Variants in CDKL4 observed in about 807,000 individuals in gnomAD.
CDKL4 encodes cyclin-dependent kinase-like 4.
Under a neutral mutation model 42.0 loss-of-function variants are expected in CDKL4, and 44 were observed. That is an observed-to-expected ratio of 1.05 (90% CI 0.82 to 1.35). The LOEUF is 1.35. Ranked by LOEUF, CDKL4 falls within the 40% of genes most tolerant of loss-of-function variation. The probability of loss-of-function intolerance (pLI) is 0.00; values close to 1 mark genes in which losing one functional copy is unlikely to be tolerated. For synonymous variants in CDKL4, 120 were observed against 121.6 expected (o/e 0.99, Z 0.09); for missense variants, 393 against 369.9 (o/e 1.06, Z -0.51).
chr2:39,188,628 A>G (rs1461810613), intron 6 of CDKL4, among the ~76,000 whole-genome samples: 5 of 149,214 alleles, frequency 3.4e-5, no homozygotes, highest in African/African-American at 7.4e-5. Context: ...CTTTACACAC[A>G]TTATCTCATT....
chr2:39,189,184 T>C (rs1676022984), intron 6 of CDKL4, among the ~76,000 whole-genome samples: 1 of 152,224 alleles, frequency 6.6e-6, no homozygotes, highest in Admixed American at 6.5e-5. Context: ...CAGGAGAGCC[T>C]GTGGGAAGAA....
chr2:39,192,951 T>C (rs1676275588), intron 5 of CDKL4, among the ~76,000 whole-genome samples: 1 of 151,048 alleles, frequency 6.6e-6, no homozygotes, highest in East Asian at 1.9e-4. Flanking sequence ...CATGGTGAAA[T>C]CTTGTCCCTA....
intron 4 of CDKL4, among the ~76,000 whole-genome samples, chr2:39,210,105 A>T (rs566624497): frequency 8.3e-4 from 126 of 152,244 alleles, no homozygotes; most frequent in African/African-American, 3.0e-3. Flanking sequence ...CTCCCACCTC[A>T]GCCTGCTGAG....
chr2:39,227,789 C>T (rs1185923935), intron 2 of CDKL4, among the ~76,000 whole-genome samples: 1 of 152,198 alleles, frequency 6.6e-6, no homozygotes, highest in African/African-American at 2.4e-5. Flanking sequence ...AAGGTTAAAC[C>T]TGGTCCAATC....
At chr2:39,172,500 C>T (rs1360268019), downstream of CDKL4, among the ~76,000 whole-genome samples, 5 of 152,260 alleles carry the variant, frequency 3.3e-5, no homozygotes, top group African/African-American at 4.8e-5. Flanking sequence ...CCCTGGGCAA[C>T]GCAGGCAGCA....
chr2:39,226,183 T>C (rs939853504), intron 2 of CDKL4, among the ~76,000 whole-genome samples: 50 of 151,926 alleles, frequency 3.3e-4, no homozygotes, highest in African/African-American at 1.2e-3. Flanking sequence ...TTTATGGAAA[T>C]TCTATATATA....
chr2:39,178,790 A>G, intron 9 of CDKL4: 1 of 1,573,526 alleles, frequency 6.4e-7, no homozygotes, highest in Non-Finnish European at 8.6e-7. Flanking sequence ...GAGTCAAGTT[A>G]CCGTTATTGC....
At chr2:39,205,759 C>CAAAAAAAAAAAAAAAAAAAAA (rs1167041058) in intron 4 of CDKL4, among the ~76,000 whole-genome samples, 1 of 78,682 alleles carries the variant, frequency 1.3e-5, no homozygotes, top group Admixed American at 1.6e-4. Context: ...GACTCCGTCT[C>CAAAAAAAAAAAAAAAAAAAAA]AAAAAAAAAA....
intron 3 of CDKL4, among the ~76,000 whole-genome samples, chr2:39,225,119 T>C (rs766883841): frequency 9.2e-5 from 14 of 152,150 alleles, no homozygotes; most frequent in East Asian, 1.9e-4. Context: ...GAGTATAACA[T>C]TGGCAGTTGA....
At chr2:39,245,960 G>A (rs959155594), upstream of CDKL4, among the ~76,000 whole-genome samples, 1 of 152,212 alleles carries the variant, frequency 6.6e-6, no homozygotes, top group Non-Finnish European at 1.5e-5. Flanking sequence ...AACAAATAAT[G>A]TAATGAATGC....
chr2:39,229,112 G>C (rs1678935872), intron 2 of CDKL4, among the ~76,000 whole-genome samples: 1 of 152,038 alleles, frequency 6.6e-6, no homozygotes, highest in African/African-American at 2.4e-5. Context: ...TAAACACTGG[G>C]GTGAGTGGAC....
rs936971532 is a variant in CDKL4 at position 39,185,430 on chromosome 2, A to G, written c.736-783T>C. Among the ~76,000 whole-genome samples the G allele has an allele frequency of 2.6e-4, 4 of 15,114 alleles. 1 individual carries two copies. The highest frequency in any genetic ancestry group is 4.5e-4 in the African/African-American group (4 of 8,866). 9.9% of individuals were successfully genotyped at this position (15,114 alleles called of 152,430 possible). On this transcript the variant is annotated intron_variant, in intron 7 of 9. Coordinates refer to ENST00000451199, the Ensembl canonical transcript of CDKL4. ...TGTATATATACATATATATATACAT[A>G]TGTATATATACATGTATATATACAT...
chr2:39,181,513 T>C (rs902822158), intron 8 of CDKL4, among the ~76,000 whole-genome samples: 1 of 152,170 alleles, frequency 6.6e-6, no homozygotes, highest in Admixed American at 6.5e-5. Flanking sequence ...TCAAGGTCAC[T>C]GTTATGGGTT....
chr2:39,198,986 C>G (rs1236752174), intron 5 of CDKL4, among the ~76,000 whole-genome samples: 2 of 151,780 alleles, frequency 1.3e-5, no homozygotes, highest in East Asian at 3.8e-4. Flanking sequence ...TAACCAAGAT[C>G]AGAGCAGAAG....
At chr2:39,221,205 T>C (rs754473966) in intron 3 of CDKL4, among the ~76,000 whole-genome samples, 29 of 151,120 alleles carry the variant, frequency 1.9e-4, no homozygotes, top group Non-Finnish European at 2.8e-4. Flanking sequence ...TTAGAAGATA[T>C]GGGGTTTCAC....
In CDKL4 at chr2:39,204,857, TA is replaced by T. The variant is rs1224859736; in HGVS notation, c.364-241del. Among the ~76,000 whole-genome samples the T allele has an allele frequency of 6.6e-5, 10 of 152,122 alleles. No homozygotes were observed. The East Asian group carries it at 1.9e-3, about 29-fold the overall frequency. On this transcript the variant is annotated intron_variant, in intron 4 of 9. Transcript: ENST00000451199. ...AAAAAATTGAAATTATAATTGTATA[TA>T]AAAACTGTCTTTTTTTTTTTTTAAA...
chr2:39,229,408 G>A, exon 2 of CDKL4: 6 of 1,610,220 alleles, frequency 3.7e-6, no homozygotes, highest in Non-Finnish European at 5.1e-6. Flanking sequence ...CTTAACAACA[G>A]GATCATCTTC....
upstream of CDKL4, among the ~76,000 whole-genome samples, chr2:39,244,014 C>T (rs1438544050): frequency 6.6e-6 from 1 of 152,336 alleles, no homozygotes; most frequent in African/African-American, 2.4e-5. Context: ...CCCGGGCAAC[C>T]GGAACGCTAG....
chr2:39,187,741 A>C, intron 6 of CDKL4, 32 bp from the exon 7 acceptor site: 1 of 1,498,022 alleles, frequency 6.7e-7, no homozygotes, highest in Non-Finnish European at 9.3e-7. Context: ...ATTCATCATA[A>C]ATTTGGCAAA....
Sources: gnomAD v4.1 joint callset for allele counts (sites outside exome capture counted in the v4.1 genomes callset) on GRCh38, gnomAD v4.1.1 for gene constraint, MANE v1.5 for transcripts, NCBI Gene and HGNC (gene_info 2026-07-23, HGNC 2026-07-21) for gene names.